Variants in MECOM observed in about 807,000 individuals in gnomAD.
MECOM encodes histone-lysine N-methyltransferase MECOM.
Under a neutral mutation model 116.3 loss-of-function variants are expected in MECOM, and 13 were observed. That is an observed-to-expected ratio of 0.11 (90% CI 0.07 to 0.18). The LOEUF (loss-of-function observed/expected upper bound fraction) is 0.18, where lower values mean the gene tolerates loss of function less well. Ranked by LOEUF, MECOM falls within the 10% of genes least tolerant of loss-of-function variation. MECOM has a pLI of 1.00. For synonymous variants in MECOM, 528 were observed against 535.2 expected (o/e 0.99, Z 0.19); for missense variants, 1,299 against 1,509.0 (o/e 0.86, Z 2.31).
chr3:169,229,367 C>G (rs1753108777), intron 2 of MECOM, among the ~76,000 whole-genome samples: 2 of 152,278 alleles, frequency 1.3e-5, no homozygotes, highest in South Asian at 4.1e-4. Context: ...TTTCTGAACC[C>G]AAAGGCTTAT....
intron 2 of MECOM, among the ~76,000 whole-genome samples, chr3:169,309,362 T>G (rs1718319282): frequency 1.3e-5 from 2 of 152,178 alleles, no homozygotes; most frequent in Non-Finnish European, 2.9e-5. Context: ...TATCAGAGAA[T>G]TGAATAAACT....
intron 2 of MECOM, among the ~76,000 whole-genome samples, chr3:169,186,339 GGGAGGGAAGGAAGGAA>G (rs1746721239): frequency 8.5e-6 from 1 of 118,336 alleles, no homozygotes; most frequent in African/African-American, 3.4e-5. Flanking sequence ...GAAGGAGGGA[GGGAGGGAAGGAAGGAA>G]GGAAGGAAGG....
chr3:169,243,869 T>G (rs1406790093), intron 2 of MECOM, among the ~76,000 whole-genome samples: 1 of 152,138 alleles, frequency 6.6e-6, no homozygotes, highest in Non-Finnish European at 1.5e-5. Flanking sequence ...TGCAGAATAA[T>G]AAATTACCAA....
At chr3:169,475,185 G>C (rs1463143013) in intron 1 of MECOM, among the ~76,000 whole-genome samples, 1 of 152,076 alleles carries the variant, frequency 6.6e-6, no homozygotes, top group African/African-American at 2.4e-5. Flanking sequence ...TAATTCTATA[G>C]GGGAAAAAAG....
intron 12 of MECOM, 37 bp downstream of exon 12, chr3:169,100,848 T>C (rs777065589): frequency 1.6e-6 from 2 of 1,237,592 alleles, no homozygotes; most frequent in Non-Finnish European, 2.2e-6. Context: ...ATTATTACAA[T>C]ATTTATCAAG....
intron 1 of MECOM, among the ~76,000 whole-genome samples, chr3:169,562,525 G>A (rs137972146): frequency 1.5e-3 from 225 of 152,222 alleles, no homozygotes; most frequent in African/African-American, 5.3e-3. Flanking sequence ...CTCCGACGCC[G>A]CAGTTTAAAG....
At chr3:169,271,131 C>A (rs928086044) in intron 2 of MECOM, among the ~76,000 whole-genome samples, 3 of 152,174 alleles carry the variant, frequency 2.0e-5, no homozygotes, top group Non-Finnish European at 4.4e-5. Context: ...ACTAAGGTTG[C>A]AGTTAGTTTC....
rs1745331927 is a variant in MECOM, at chr3:169,177,467, T to TG, written c.376-33636dup. On this transcript the variant is annotated intron_variant, in intron 2 of 16. Coordinates refer to ENST00000651503, the MANE Select transcript of MECOM (RefSeq NM_004991.4). ...GGAACAATGCATACCAGGGCCTGTT[T>TG]GGGGGTGGAGGGCGAGGGGAAGGAA... 2.0e-5 allele frequency among the ~76,000 whole-genome samples: 3 copies of TG among 151,836 alleles called. No homozygotes were observed. The South Asian group carries it at 6.3e-4, about 32-fold the overall frequency.
In MECOM at chr3:169,116,545, T is replaced by A. The variant is rs763451162; in HGVS notation, c.1327A>T (p.Ile443Phe). 1.9e-6 allele frequency: 3 copies of A among 1,614,008 alleles called. No individual in the cohort carries two copies. Among genetic ancestry groups the A allele is most frequent in the Non-Finnish European group, 2.5e-6 (3 of 1,180,012 alleles). The change falls in exon 8 of 17, where the codon ATT becomes TTT. Residue 443 changes from isoleucine (I) to phenylalanine (F), a missense_variant. By Grantham distance (21) the Ile-to-Phe change is conservative (BLOSUM62 0). Transcript: ENST00000651503. ...ATAGCTGGGGTTCCAGGAAGTGAAA[T>A]GCCTTGGCCAAAAAATCCACCTGCC... is the stretch of plus-strand genomic sequence containing the variant. ...FAAGGFFGQG[I>F]SLPGTPAMDK...
At chr3:169,242,171 G>A (rs1754909516) in intron 2 of MECOM, among the ~76,000 whole-genome samples, 1 of 152,154 alleles carries the variant, frequency 6.6e-6, no homozygotes, top group African/African-American at 2.4e-5. Flanking sequence ...GTAAATGGTA[G>A]ACCACGAGAG....
chr3:169,369,508 GC>G (rs200315750), intron 2 of MECOM, among the ~76,000 whole-genome samples: 5,755 of 151,510 alleles, frequency 0.038, 149 homozygotes, highest in Non-Finnish European at 0.058. Context: ...CACCATGCCA[GC>G]CTAATTTTTA....
intron 2 of MECOM, among the ~76,000 whole-genome samples, chr3:169,216,900 T>C (rs1438985430): frequency 8.8e-6 from 1 of 114,198 alleles, no homozygotes; most frequent in Non-Finnish European, 2.0e-5. Flanking sequence ...GGCCACCATT[T>C]ACACGGAGTT....
At chr3:169,351,270 G>C (rs1188343247) in intron 2 of MECOM, among the ~76,000 whole-genome samples, 1 of 151,664 alleles carries the variant, frequency 6.6e-6, no homozygotes, top group Admixed American at 6.6e-5. Context: ...ACATATTTTT[G>C]TCAATGAATA....
intron 12 of MECOM, among the ~76,000 whole-genome samples, chr3:169,097,830 A>AAAAAAAAAAAAAAG (rs1722177869): frequency 6.7e-6 from 1 of 149,058 alleles, no homozygotes; most frequent in Non-Finnish European, 1.5e-5. Flanking sequence ...AAAAAAAAAA[A>AAAAAAAAAAAAAAG]AAAAAAAAAA....
intron 16 of MECOM, 66 bp downstream of exon 16, chr3:169,088,934 A>T: frequency 7.8e-7 from 1 of 1,278,620 alleles, no homozygotes; most frequent in Non-Finnish European, 1.0e-6. Context: ...GCTTTTTGGT[A>T]ATCAAAGGAA....
chr3:169,475,519 G>A (rs1750211656), intron 1 of MECOM, among the ~76,000 whole-genome samples: 1 of 151,870 alleles, frequency 6.6e-6, no homozygotes, highest in African/African-American at 2.4e-5. Context: ...TCTTTTAATG[G>A]ACACATGGAT....
In MECOM at chr3:169,381,434, A is replaced by T. The variant is rs1435450452; in HGVS notation, c.128T>A (p.Ile43Asn). The change falls in exon 2 of 17, where the codon ATT becomes AAT. Residue 43 changes from isoleucine (I) to asparagine (N), a missense_variant. Ile to Asn is a moderately radical substitution (Grantham distance 149). This residue lies in a region of MECOM where 374 missense variants were observed against 433.4 expected (regional missense o/e 0.86). Transcript: ENST00000651503. ...DGVASTPSLN[I>N]QEPCSPATSS... ...TGTGGCAGGAGAGCATGGCTCTTGA[A>T]TATTGAGGGAGGGAGTGCTGGCTAC... The T allele has an allele frequency of 5.0e-6, 8 of 1,613,818 alleles. No homozygotes were observed. Among genetic ancestry groups the T allele is most frequent in the Non-Finnish European group, 6.8e-6 (8 of 1,179,806 alleles).
chr3:169,581,368 C>T (rs1765103678), intron 1 of MECOM, among the ~76,000 whole-genome samples: 1 of 152,170 alleles, frequency 6.6e-6, no homozygotes, highest in Non-Finnish European at 1.5e-5. Flanking sequence ...AAAGCAGTTC[C>T]TCCACCATCA....
At chr3:169,483,832 C>G in intron 1 of MECOM, 1 of 1,611,724 alleles carries the variant, frequency 6.2e-7, no homozygotes, top group Non-Finnish European at 8.5e-7. Context: ...GAGAAAGGCA[C>G]CTCGGATGTC....
Sources: allele counts gnomAD v4.1 joint callset (sites outside exome capture counted in the v4.1 genomes callset), GRCh38; gene constraint gnomAD v4.1.1; regional missense constraint gnomAD v4.1.1; transcripts MANE v1.5; gene names NCBI Gene and HGNC (gene_info 2026-07-23, HGNC 2026-07-21).